The following ADGRB3 variants were observed in gnomAD, a reference collection of about 807,000 sequenced individuals.
The protein encoded by ADGRB3 is brain-specific angiogenesis inhibitor 3.
A neutral mutation model predicts 193.4 loss-of-function variants in ADGRB3; 37 were observed. That is an observed-to-expected ratio of 0.19 (90% CI 0.15 to 0.25). The LOEUF is 0.25. Ranked by LOEUF, ADGRB3 falls within the 10% of genes least tolerant of loss-of-function variation. The probability of loss-of-function intolerance (pLI) is 1.00; values close to 1 mark genes in which losing one functional copy is unlikely to be tolerated. For synonymous variants in ADGRB3, 690 were observed against 644.2 expected (o/e 1.07, Z -1.08); for missense variants, 1,637 against 1,852.9 (o/e 0.88, Z 2.14).
In ADGRB3 at chr6:68,956,592, T is replaced by G. The variant is rs1184294621; in HGVS notation, c.1361-53T>G. 3.1e-6 allele frequency: 5 copies of G among 1,599,172 alleles called. No individual in the cohort carries two copies. In the African/African-American group the frequency reaches 4.0e-5, roughly 13 times the overall value. ...GTAACATTCTCAGATTTTAAAATTT[T>G]TAAAGGAGTGTGTGGTAGATGACTG... is the stretch of plus-strand genomic sequence containing the variant. On this transcript the variant is annotated intron_variant, in intron 7 of 31. Transcript: ENST00000370598.
intron 6 of ADGRB3, among the ~76,000 whole-genome samples, chr6:68,953,413 G>T (rs1359545077): frequency 6.6e-6 from 1 of 152,102 alleles, no homozygotes; most frequent in Non-Finnish European, 1.5e-5. Flanking sequence ...AGATTGTAAG[G>T]TGTAGGGCAT....
At chr6:68,908,566 CAA>C (rs1052381476) in intron 3 of ADGRB3, among the ~76,000 whole-genome samples, 3 of 152,062 alleles carry the variant, frequency 2.0e-5, no homozygotes, top group Non-Finnish European at 4.4e-5. Context: ...CAATCACAGT[CAA>C]AAGTCAGTAA....
chr6:68,765,243 T>C, intron 3 of ADGRB3, among the ~76,000 whole-genome samples: 1 of 152,182 alleles, frequency 6.6e-6, no homozygotes, highest in East Asian at 1.9e-4. Flanking sequence ...TATTAATGTA[T>C]TCAATTATGA....
At chr6:68,815,603 T>C (rs901157464) in intron 3 of ADGRB3, among the ~76,000 whole-genome samples, 8 of 137,200 alleles carry the variant, frequency 5.8e-5, no homozygotes, top group African/African-American at 1.8e-4. Context: ...CCATCAAAAA[T>C]TGTGTGTGTG....
chr6:69,117,611 C>G (rs1773570850), intron 17 of ADGRB3, among the ~76,000 whole-genome samples: 1 of 152,052 alleles, frequency 6.6e-6, no homozygotes, highest in Non-Finnish European at 1.5e-5. Flanking sequence ...ATTACCTCAA[C>G]AAGTTTGGAA....
chr6:68,695,638 G>A (rs943664490), intron 3 of ADGRB3, among the ~76,000 whole-genome samples: 12 of 151,932 alleles, frequency 7.9e-5, no homozygotes, highest in South Asian at 4.1e-4. Context: ...GACTGGGACC[G>A]GACATGAGTG....
chr6:69,269,378 GT>G (rs1247835155), intron 20 of ADGRB3, among the ~76,000 whole-genome samples: 2 of 151,968 alleles, frequency 1.3e-5, no homozygotes, highest in Non-Finnish European at 2.9e-5. Context: ...TGTGTCCAAT[GT>G]AAAAAAAAAT....
intron 3 of ADGRB3, among the ~76,000 whole-genome samples, chr6:68,850,303 T>C (rs1187794839): frequency 6.6e-6 from 1 of 151,986 alleles, no homozygotes; most frequent in Non-Finnish European, 1.5e-5. Context: ...AGTATAGTTA[T>C]CTTAATTCAT....
At chr6:68,767,303 C>G (rs1766528338) in intron 3 of ADGRB3, among the ~76,000 whole-genome samples, 2 of 152,058 alleles carry the variant, frequency 1.3e-5, no homozygotes, top group Non-Finnish European at 2.9e-5. Flanking sequence ...ATAATACTGG[C>G]AAGCCGAATC....
intron 30 of ADGRB3, among the ~76,000 whole-genome samples, chr6:69,380,597 A>G (rs1582668642): frequency 1.3e-5 from 2 of 151,998 alleles, no homozygotes; most frequent in African/African-American, 4.8e-5. Context: ...TAGACAAATA[A>G]GACCATGGGA....
At chr6:69,051,139 C>G (rs1771381524) in intron 15 of ADGRB3, among the ~76,000 whole-genome samples, 1 of 152,056 alleles carries the variant, frequency 6.6e-6, no homozygotes, top group African/African-American at 2.4e-5. Flanking sequence ...AATTTCATGA[C>G]AGAGGCAGTT....
At chr6:68,822,153 G>A (rs1209291828) in intron 3 of ADGRB3, among the ~76,000 whole-genome samples, 1 of 151,762 alleles carries the variant, frequency 6.6e-6, no homozygotes. Context: ...TGAGTAAAAA[G>A]AAAGCGGATG....
chr6:69,095,980 G>A (rs1377784915), intron 17 of ADGRB3, among the ~76,000 whole-genome samples: 2 of 152,126 alleles, frequency 1.3e-5, no homozygotes, highest in Non-Finnish European at 2.9e-5. Flanking sequence ...TCTAATGTAA[G>A]ACCAGAGGCC....
intron 26 of ADGRB3, among the ~76,000 whole-genome samples, chr6:69,351,339 C>T (rs979365401): frequency 7.3e-5 from 11 of 151,402 alleles, no homozygotes; most frequent in Non-Finnish European, 1.0e-4. Flanking sequence ...ATGTTCCGCC[C>T]GCCTTGCCTC....
At chr6:69,048,802 A>G (rs575996171) in intron 14 of ADGRB3, among the ~76,000 whole-genome samples, 9 of 152,288 alleles carry the variant, frequency 5.9e-5, no homozygotes, top group African/African-American at 9.6e-5. Flanking sequence ...ACACAAGTTT[A>G]CCTGTGTAAC....
At chr6:68,815,905 A>C (rs1456510729) in intron 3 of ADGRB3, among the ~76,000 whole-genome samples, 1 of 152,028 alleles carries the variant, frequency 6.6e-6, no homozygotes, top group African/African-American at 2.4e-5. Context: ...ATAAAACTTT[A>C]TATCTTAAAT....
At chr6:69,098,712 C>T (rs551077357) in intron 17 of ADGRB3, among the ~76,000 whole-genome samples, 4 of 152,210 alleles carry the variant, frequency 2.6e-5, no homozygotes, top group African/African-American at 9.6e-5. Context: ...GACACAAAAC[C>T]AAACCGTATC....
chr6:68,689,187 A>G (rs1335355893), intron 3 of ADGRB3, among the ~76,000 whole-genome samples: 9 of 152,162 alleles, frequency 5.9e-5, no homozygotes, highest in Non-Finnish European at 1.0e-4. Context: ...CAAGTGGAGA[A>G]AACTATGGTA....
chr6:69,013,989 T>C, intron 11 of ADGRB3, 49 bp from the exon 12 acceptor site: 1 of 1,314,708 alleles, frequency 7.6e-7, no homozygotes, highest in Non-Finnish European at 1.1e-6. Flanking sequence ...TATTAAAAAG[T>C]ATAATTCTCT....
Sources: allele counts gnomAD v4.1 joint callset (sites outside exome capture counted in the v4.1 genomes callset), GRCh38; gene constraint gnomAD v4.1.1; transcripts MANE v1.5; gene names NCBI Gene and HGNC (gene_info 2026-07-23, HGNC 2026-07-21).